CYP19A1: variants seen among roughly 807,000 people sequenced by gnomAD.
The protein encoded by CYP19A1 is cytochrome P450 family 19 subfamily A member 1.
Under a neutral mutation model 44.4 loss-of-function variants are expected in CYP19A1, and 32 were observed. The observed-to-expected ratio is 0.72, with a 90% CI of 0.54 to 0.97. The LOEUF (loss-of-function observed/expected upper bound fraction) is 0.97. CYP19A1 is among the 50% of genes least tolerant of loss of function. CYP19A1 has a pLI of 0.00. For synonymous variants in CYP19A1, 212 were observed against 215.6 expected, an observed-to-expected ratio of 0.98 and a Z score of 0.14; for missense variants, 598 against 637.8, an observed-to-expected ratio of 0.94 and a Z score of 0.67.
At chr15:51,239,211 T>G (rs1233200235) in intron 2 of CYP19A1, among the ~76,000 whole-genome samples, 1 of 152,160 alleles carries the variant, frequency 6.6e-6, no homozygotes, top group Non-Finnish European at 1.5e-5. Flanking sequence ...AGTGAATACT[T>G]TGCTGCATTT....
intron 3 of CYP19A1, among the ~76,000 whole-genome samples, chr15:51,235,170 G>A (rs2033309435): frequency 6.6e-6 from 1 of 152,168 alleles, no homozygotes; most frequent in Non-Finnish European, 1.5e-5. Context: ...TATCAAGAAC[G>A]TATCATAGTC....
chr15:51,217,761 C>T (rs1394495277), intron 6 of CYP19A1, among the ~76,000 whole-genome samples: 1 of 152,300 alleles, frequency 6.6e-6, no homozygotes, highest in Admixed American at 6.5e-5. Context: ...TCTCATTAAC[C>T]TATGCCCCTA....
intron 1 of CYP19A1, among the ~76,000 whole-genome samples, chr15:51,304,290 TG>T (rs1054969224): frequency 6.6e-6 from 1 of 152,198 alleles, no homozygotes; most frequent in African/African-American, 2.4e-5. Flanking sequence ...CCCCTTATCT[TG>T]GGGGTGTTGT....
At chr15:51,248,293 G>A (rs934475120) in intron 1 of CYP19A1, among the ~76,000 whole-genome samples, 3 of 152,136 alleles carry the variant, frequency 2.0e-5, no homozygotes, top group Admixed American at 6.5e-5. Context: ...CCCATTTGCC[G>A]CCATTACTTA....
At chr15:51,312,672 C>T (rs2141013495) in intron 1 of CYP19A1, 1 of 152,404 alleles carries the variant, frequency 6.6e-6, no homozygotes, top group Non-Finnish European at 1.5e-5. Flanking sequence ...CAGCTCATTT[C>T]TCCAGATAGA....
intron 1 of CYP19A1, among the ~76,000 whole-genome samples, chr15:51,300,672 A>G (rs896911382): frequency 6.6e-5 from 10 of 152,026 alleles, no homozygotes; most frequent in African/African-American, 1.9e-4. Context: ...TCCTCCTCCA[A>G]CCCTATACTG....
intron 1 of CYP19A1, among the ~76,000 whole-genome samples, chr15:51,333,975 T>C (rs1455533662): frequency 6.6e-6 from 1 of 152,226 alleles, no homozygotes; most frequent in African/African-American, 2.4e-5. Flanking sequence ...TTCCCCTACA[T>C]GGTTTTTAGG....
chr15:51,297,863 CACACA>C (rs1566917264), intron 1 of CYP19A1, among the ~76,000 whole-genome samples: 5 of 151,216 alleles, frequency 3.3e-5, no homozygotes, highest in African/African-American at 4.9e-5. Context: ...CACACACACA[CACACA>C]CCCTAGGCCT....
chr15:51,221,737 A>G (rs1167899668), intron 5 of CYP19A1: 1 of 153,384 alleles, frequency 6.5e-6, no homozygotes, highest in Non-Finnish European at 1.5e-5. Flanking sequence ...AAGTAGTCTT[A>G]TGAGTGAGAC....
At chr15:51,251,287 G>T (rs2034298472) in intron 1 of CYP19A1, among the ~76,000 whole-genome samples, 1 of 152,140 alleles carries the variant, frequency 6.6e-6, no homozygotes, top group Non-Finnish European at 1.5e-5. Context: ...GGCAGCCCAG[G>T]TGCCGCCAGC....
intron 1 of CYP19A1, among the ~76,000 whole-genome samples, chr15:51,265,947 T>C (rs1257957167): frequency 6.6e-6 from 1 of 152,248 alleles, no homozygotes; most frequent in Non-Finnish European, 1.5e-5. Flanking sequence ...CTAGAGGATA[T>C]GCCTGGTCTG....
intron 1 of CYP19A1, among the ~76,000 whole-genome samples, chr15:51,283,805 C>G (rs1047828345): frequency 5.9e-5 from 9 of 152,202 alleles, no homozygotes; most frequent in Non-Finnish European, 1.0e-4. Flanking sequence ...TCAGGCCCCT[C>G]AACAAACCGA....
intron 2 of CYP19A1, among the ~76,000 whole-genome samples, chr15:51,239,099 C>T (rs1200956648): frequency 1.3e-5 from 2 of 152,202 alleles, no homozygotes; most frequent in Non-Finnish European, 2.9e-5. Flanking sequence ...GGGAAATATT[C>T]TGGTTGTAGC....
chr15:51,236,732 C>T, intron 3 of CYP19A1, 127 bp downstream of exon 3: 3 of 1,219,576 alleles, frequency 2.5e-6, no homozygotes, highest in South Asian at 2.5e-5. Flanking sequence ...GGATTGCTCA[C>T]TTCATTTCAG....
chr15:51,218,483 C>T, intron 6 of CYP19A1, 58 bp downstream of exon 6: 2 of 1,561,564 alleles, frequency 1.3e-6, no homozygotes, highest in Non-Finnish European at 1.7e-6. Flanking sequence ...AGCAAAGACA[C>T]AAGGGAAAAA....
At chr15:51,310,138 C>G (rs2036285860) in intron 1 of CYP19A1, among the ~76,000 whole-genome samples, 1 of 152,158 alleles carries the variant, frequency 6.6e-6, no homozygotes, top group Admixed American at 6.5e-5. Context: ...CTGTGTTGCT[C>G]AACTTCTAGT....
At position 51,280,299 on chromosome 15, in the gene CYP19A1, A is replaced by C. The variant is rs908258013; in HGVS notation, c.-38-37349T>G. 1.3e-4 allele frequency among the ~76,000 whole-genome samples: 20 copies of C among 151,496 alleles called. 1 individual carries two copies. The highest frequency in any genetic ancestry group is 2.1e-4 in the Non-Finnish European group (14 of 67,874). On this transcript the variant is annotated intron_variant, in intron 1 of 9. Coordinates refer to ENST00000396402, the MANE Select transcript of CYP19A1 (RefSeq NM_000103.4). ...TTTTTTAGTAGAGACGGGGTTTCAC[A>C]GTCTTAGCCAGGATGGTCTTGATCT...
At chr15:51,276,755 T>C (rs184071076) in intron 1 of CYP19A1, among the ~76,000 whole-genome samples, 4 of 152,358 alleles carry the variant, frequency 2.6e-5, no homozygotes, top group Non-Finnish European at 5.9e-5. Context: ...AATGAATTCT[T>C]CCTGCCTGAA....
chr15:51,335,249 A>T (rs1020427639), intron 1 of CYP19A1, among the ~76,000 whole-genome samples: 1 of 152,174 alleles, frequency 6.6e-6, no homozygotes, highest in Admixed American at 6.5e-5. Context: ...CACCTTCACA[A>T]CCACAGACAG....
Sources: allele counts gnomAD v4.1 joint callset (sites outside exome capture counted in the v4.1 genomes callset), GRCh38; gene constraint gnomAD v4.1.1; transcripts MANE v1.5; gene names NCBI Gene and HGNC (gene_info 2026-07-23, HGNC 2026-07-21).